The following OR2L13 variants were observed in gnomAD, a reference collection of about 807,000 sequenced individuals.
The protein encoded by OR2L13 is olfactory receptor family 2 subfamily L member 13, also known as olfactory receptor 2L13.
A neutral mutation model predicts 15.3 loss-of-function variants in OR2L13; 14 were observed. The ratio of observed to expected loss-of-function variants is 0.91; its 90% CI spans 0.60 to 1.43. The LOEUF is 1.43. Ranked by LOEUF, OR2L13 falls within the 40% of genes most tolerant of loss-of-function variation. The pLI, the probability that OR2L13 is intolerant of heterozygous loss-of-function variation, is 0.00. For missense variants in OR2L13, 367 were observed against 387.9 expected (o/e 0.95, Z 0.45); for synonymous variants, 152 against 142.9 (o/e 1.06, Z -0.45).
the OR2L13 span, among the ~76,000 whole-genome samples, chr1:247,998,069 A>G: frequency 6.6e-6 from 1 of 152,300 alleles, no homozygotes; most frequent in Non-Finnish European, 1.5e-5. Context: ...TTTGATAATG[A>G]GGAAATAATA....
exon 3 of OR2L13, chr1:248,099,650 C>G (rs866115964): frequency 2.5e-6 from 4 of 1,614,166 alleles, no homozygotes; most frequent in Non-Finnish European, 3.4e-6. Context: ...AAAGGCATCT[C>G]CTTCCTGGGA....
chr1:247,980,777 C>T, the OR2L13 span: 2 of 152,158 alleles, frequency 1.3e-5, no homozygotes, highest in African/African-American at 4.8e-5. Flanking sequence ...CCATGAAGCT[C>T]TCTAAAATCT....
At chr1:247,983,076 G>GT in the OR2L13 span, among the ~76,000 whole-genome samples, 3 of 152,082 alleles carry the variant, frequency 2.0e-5, no homozygotes. Flanking sequence ...ACTTATATGT[G>GT]TATGTGTTTG....
the OR2L13 span, among the ~76,000 whole-genome samples, chr1:247,971,780 C>A: frequency 6.6e-6 from 1 of 152,152 alleles, no homozygotes; most frequent in Admixed American, 6.6e-5. Flanking sequence ...GAATAGACAT[C>A]TACAGAACTC....
the OR2L13 span, among the ~76,000 whole-genome samples, chr1:247,938,283 G>A: frequency 5.9e-5 from 9 of 152,146 alleles, no homozygotes; most frequent in Admixed American, 5.2e-4. Flanking sequence ...GCTAAGAGAC[G>A]TTCAAAATTG....
the OR2L13 span, among the ~76,000 whole-genome samples, chr1:248,079,747 T>C: frequency 6.6e-6 from 1 of 152,198 alleles, no homozygotes; most frequent in Non-Finnish European, 1.5e-5. Flanking sequence ...ACAACATATA[T>C]GCAAAAACTA....
the OR2L13 span, among the ~76,000 whole-genome samples, chr1:248,082,067 C>T: frequency 6.6e-6 from 1 of 150,642 alleles, no homozygotes; most frequent in Non-Finnish European, 1.5e-5. Flanking sequence ...GCATTATTCA[C>T]AATAGCAAAG....
At chr1:247,972,222 G>A in the OR2L13 span, among the ~76,000 whole-genome samples, 1 of 152,042 alleles carries the variant, frequency 6.6e-6, no homozygotes, top group African/African-American at 2.4e-5. Flanking sequence ...AGAGAAGCAA[G>A]AGCAAACAAA....
the OR2L13 span, among the ~76,000 whole-genome samples, chr1:247,957,697 C>T: frequency 6.6e-6 from 1 of 152,148 alleles, no homozygotes; most frequent in Non-Finnish European, 1.5e-5. Context: ...AGGAATTTAT[C>T]CATTTCTTCT....
At chr1:248,039,014 C>T in the OR2L13 span, 1 of 1,614,122 alleles carries the variant, frequency 6.2e-7, no homozygotes, top group Non-Finnish European at 8.5e-7. Context: ...TAGTGTCCTT[C>T]TACTATGCAC....
chr1:248,029,911 C>A, the OR2L13 span, among the ~76,000 whole-genome samples: 1 of 152,178 alleles, frequency 6.6e-6, no homozygotes, highest in East Asian at 1.9e-4. Context: ...GAACTCATTT[C>A]TGAACCTTGA....
chr1:248,028,352 C>T, the OR2L13 span, among the ~76,000 whole-genome samples: 1 of 152,056 alleles, frequency 6.6e-6, no homozygotes. Flanking sequence ...CTCAGTCTCC[C>T]AGTAGGTGGA....
chr1:248,051,292 T>C, the OR2L13 span: 1 of 152,196 alleles, frequency 6.6e-6, no homozygotes, highest in Admixed American at 6.5e-5. Context: ...TTATTTCACT[T>C]AGCATAATGT....
At chr1:247,963,701 A>G in the OR2L13 span, among the ~76,000 whole-genome samples, 1 of 152,214 alleles carries the variant, frequency 6.6e-6, no homozygotes, top group South Asian at 2.1e-4. Flanking sequence ...AACATTTAGA[A>G]TTTAGGCTGA....
At chr1:247,984,487 C>T in the OR2L13 span, among the ~76,000 whole-genome samples, 2 of 152,106 alleles carry the variant, frequency 1.3e-5, no homozygotes, top group African/African-American at 4.8e-5. Flanking sequence ...AACTAAACTA[C>T]TAATATAAAT....
the OR2L13 span, among the ~76,000 whole-genome samples, chr1:247,998,716 T>C: frequency 6.6e-6 from 1 of 152,308 alleles, no homozygotes; most frequent in African/African-American, 2.4e-5. Flanking sequence ...ATAATGAAGG[T>C]AACTGCATGA....
At chr1:248,088,939 A>G in the OR2L13 span, among the ~76,000 whole-genome samples, 6 of 152,194 alleles carry the variant, frequency 3.9e-5, no homozygotes, top group African/African-American at 1.2e-4. Flanking sequence ...CGCTTCTCCA[A>G]CTCTCACACC....
upstream of OR2L13, among the ~76,000 whole-genome samples, chr1:248,095,995 G>A (rs959921455): frequency 1.3e-5 from 2 of 151,848 alleles, no homozygotes; most frequent in East Asian, 1.9e-4. Flanking sequence ...GATTTGGGTC[G>A]GCTTTATCCT....
At chr1:248,051,210 C>G in the OR2L13 span, 11 of 152,290 alleles carry the variant, frequency 7.2e-5, no homozygotes, top group Middle Eastern at 6.8e-3. Context: ...CACTTTCCAT[C>G]TCTGTGAATT....
Sources: allele counts gnomAD v4.1 joint callset (sites outside exome capture counted in the v4.1 genomes callset), GRCh38; gene constraint gnomAD v4.1.1; transcripts MANE v1.5; gene names NCBI Gene and HGNC (gene_info 2026-07-23, HGNC 2026-07-21).